Variants in HOXB3 observed in about 807,000 individuals in gnomAD.
The protein encoded by HOXB3 is homeobox B3, also known as homeobox protein Hox-B3.
HOXB3 carries 17 observed loss-of-function variants against 29.2 expected under a neutral mutation model. The observed-to-expected ratio is 0.58, with a 90% CI of 0.40 to 0.87. HOXB3 has a LOEUF of 0.87. Among genes scored for constraint, HOXB3 ranks in the 40% least tolerant of loss-of-function variants. The pLI is 0.00. For synonymous variants in HOXB3, 317 were observed against 285.9 expected (o/e 1.11, Z -1.10); for missense variants, 637 against 616.3 (o/e 1.03, Z -0.35).
At chr17:48,576,746 G>T in intron 1 of HOXB3, 1 of 1,608,038 alleles carries the variant, frequency 6.2e-7, no homozygotes, top group South Asian at 1.1e-5. Context: ...GGCCTCCATT[G>T]GGCCGGCCAG....
chr17:48,577,204 CCAAGTT>C (rs2069794383), intron 1 of HOXB3, among the ~76,000 whole-genome samples: 1 of 152,156 alleles, frequency 6.6e-6, no homozygotes, highest in Non-Finnish European at 1.5e-5. Flanking sequence ...AAAGAGACCT[CCAAGTT>C]TTGGAGGGCT....
rs2068876051 is a variant in HOXB3 at position 48,554,355 on chromosome 17, T to C, written c.-159+1176A>G. ...ATAATAATGATGACGATGATGATGA[T>C]AGTAATAATAATAAAACAATAATTT... On this transcript the variant is annotated intron_variant, in intron 3 of 4. Transcript: ENST00000498678. The surrounding 1 kb of genome is among the most constrained non-coding windows in gnomAD (Gnocchi z 4.1). 6.9e-6 allele frequency: 3 copies of C among 434,864 alleles called. No homozygotes were observed. Among genetic ancestry groups the C allele is most frequent in the Non-Finnish European group, 1.2e-5 (3 of 240,650 alleles). The allele number at this position is 434,864 out of a possible 1,614,324, so 26.9% of individuals were successfully genotyped here.
rs1347206533 is a variant in HOXB3 at position 48,575,694 on chromosome 17, C to CAAT, written c.-424-1683_-424-1681dup. 6.7e-5 allele frequency: 10 copies of CAAT among 149,354 alleles called. No individual in the cohort carries two copies. The East Asian group carries it at 1.6e-3, about 24-fold the overall frequency. 9.3% of individuals were successfully genotyped at this position (149,354 alleles called of 1,614,324 possible). A position where few individuals can be genotyped will look rare whatever the true frequency, so the allele number is the denominator to read the frequency against. ...AAAAAAATAGTAATAATAATATTAT[C>CAAT]AATAATAATAATAAACGATGCAACA... On this transcript the variant is annotated intron_variant, in intron 1 of 4. Coordinates refer to ENST00000498678, the MANE Select transcript of HOXB3 (RefSeq NM_001384749.1).
chr17:48,576,971 G>A (rs772689748), intron 1 of HOXB3: 4 of 1,613,400 alleles, frequency 2.5e-6, no homozygotes, highest in South Asian at 2.2e-5. Context: ...GCTGGCGCGT[G>A]TAGGCGGTCC....
chr17:48,581,271 CTGATTTCT>C (rs2069929375), intron 1 of HOXB3: 4 of 152,302 alleles, frequency 2.6e-5, no homozygotes, highest in African/African-American at 9.6e-5. Flanking sequence ...GCCTCTGGGC[CTGATTTCT>C]AACATCAACA....
chr17:48,552,353 G>A lies in HOXB3; in HGVS notation c.122C>T (p.Thr41Met). 1 of 1,613,992 alleles carries A rather than the reference G, an allele frequency of 6.2e-7. No individual in the cohort carries two copies. The highest frequency in any genetic ancestry group is 1.1e-5 in the South Asian group (1 of 91,068). ...VPPQPPFQAA[T>M]HLEGDYQRSA... ...GCGCTGGTAGTCGCCCTCCAGGTGC[G>A]TGGCGGCCTGAAATGGGGGTTGGGG... The change falls in exon 4 of 5, where the codon ACG becomes ATG. Residue 41 changes from threonine to methionine, a missense_variant. Coordinates refer to ENST00000498678, the MANE Select transcript of HOXB3 (RefSeq NM_001384749.1).
In HOXB3 at chr17:48,550,612, C is replaced by T. The variant is rs1193580435; in HGVS notation, c.1018G>A (p.Ala340Thr). The change falls in exon 5 of 5, where the codon GCC (alanine) becomes ACC (threonine). Residue 340 changes from alanine (A) to threonine (T), a missense_variant. Transcript: ENST00000498678. ...CCCTGCATGGTGGGCGTCCCGTAGG[C>T]GCCCCCGTTGGCTTGGAGGACGTGC... ...EPHVLQANGG[A>T]YGTPTMQGSP... 3.2e-5 allele frequency: 49 copies of T among 1,520,692 alleles called. No homozygotes were observed. Among genetic ancestry groups the T allele is most frequent in the Non-Finnish European group, 4.3e-5 (49 of 1,139,224 alleles). The allele number at this position is 1,520,692 out of a possible 1,614,324, so 94.2% of individuals were successfully genotyped here. A position where few individuals can be genotyped will look rare whatever the true frequency, so the allele number is the denominator to read the frequency against.
chr17:48,577,803 G>A, intron 1 of HOXB3: 3 of 1,334,640 alleles, frequency 2.2e-6, no homozygotes, highest in Non-Finnish European at 2.9e-6. Flanking sequence ...CCATGCCTCC[G>A]AAGTCCCTTT....
chr17:48,574,817 CG>C (rs2069709084), intron 1 of HOXB3, among the ~76,000 whole-genome samples: 1 of 152,152 alleles, frequency 6.6e-6, no homozygotes. Flanking sequence ...GTCATACTTT[CG>C]ATACTTTCTA....
At chr17:48,574,174 A>G (rs1010087230) in intron 1 of HOXB3, 160 bp from the exon 2 acceptor site, 4 of 328,024 alleles carry the variant, frequency 1.2e-5, no homozygotes, top group Non-Finnish European at 2.2e-5. Flanking sequence ...TTCTATTCAT[A>G]CCTTCCAAAG....
chr17:48,584,661 G>A (rs544816102), intron 1 of HOXB3, among the ~76,000 whole-genome samples: 1 of 152,300 alleles, frequency 6.6e-6, no homozygotes, highest in African/African-American at 2.4e-5. Flanking sequence ...GTGACTCAAA[G>A]ATTATCTTTG....
rs1441805376 is a variant in HOXB3, at chr17:48,550,820, C to A, written c.810G>T (p.Gln270His). Residue 270 changes from glutamine (Q) to histidine (H), a missense_variant, in exon 5 of 5, where the codon CAG (glutamine) becomes CAT (histidine). By Grantham distance (24) the Gln-to-His change is conservative. Coordinates refer to ENST00000498678, the MANE Select transcript of HOXB3 (RefSeq NM_001384749.1). ...AGGCGTTCATGAAGCCGGCCGTGGA[C>A]TGCATGGGCTGCGGGGGGCTGCCGG... ...SPAGSPPQPM[Q>H]STAGFMNALH... is the part of the protein sequence containing the mutation. 6.2e-7 allele frequency: 1 copy of A among 1,613,600 alleles called. No individual in the cohort carries two copies. Among genetic ancestry groups the A allele is most frequent in the Non-Finnish European group, 8.5e-7 (1 of 1,179,850 alleles).
rs762333689 is a variant in HOXB3 at position 48,550,986 on chromosome 17, C to T, written c.644G>A (p.Arg215Gln). The T allele has an allele frequency of 2.5e-6, 4 of 1,613,670 alleles. No individual in the cohort carries two copies. Among genetic ancestry groups the T allele is most frequent in the African/African-American group, 1.3e-5 (1 of 74,998 alleles). Residue 215 changes from arginine (R) to glutamine (Q), a missense_variant, in exon 5 of 5, where the codon CGG becomes CAG. Arg to Gln is a conservative substitution (Grantham distance 43). Coordinates refer to ENST00000498678, the MANE Select transcript of HOXB3 (RefSeq NM_001384749.1). ...KEFHFNRYLC[R>Q]PRRVEMANLL... ...GTTGGCCATCTCTACACGGCGAGGC[C>T]GGCACAGGTAGCGGTTAAAATGGAA...
At chr17:48,564,861 G>A (rs1033387507) in intron 2 of HOXB3, among the ~76,000 whole-genome samples, 1 of 152,194 alleles carries the variant, frequency 6.6e-6, no homozygotes, top group African/African-American at 2.4e-5. Flanking sequence ...AGGATCAGAC[G>A]GGCGAGAAAG....
At chr17:48,578,473 C>A in intron 1 of HOXB3, 1 of 961,462 alleles carries the variant, frequency 1.0e-6, no homozygotes, top group Non-Finnish European at 1.5e-6. Flanking sequence ...CCTGCGATTC[C>A]CGGATAAGGA....
chr17:48,566,500 G>C (rs747095417), intron 2 of HOXB3, among the ~76,000 whole-genome samples: 3 of 151,866 alleles, frequency 2.0e-5, no homozygotes, highest in Non-Finnish European at 4.4e-5. Flanking sequence ...TGGTTGGTCA[G>C]ACTTCCACGT....
Position 48,552,510 on chromosome 17 carries a change from G to A in HOXB3, c.-36C>T, listed in dbSNP as rs535736453. ...GGCCTGGGCAGTGGGTGGCAACTTGGAAAGGCCTGATACCCTCAGGACCGG... is the reference window on the plus strand; with the variant it reads ...GGCCTGGGCAGTGGGTGGCAACTTGAAAAGGCCTGATACCCTCAGGACCGG... On this transcript the variant is annotated 5_prime_UTR_variant, in exon 4 of 5. Coordinates refer to ENST00000498678, the MANE Select transcript of HOXB3 (RefSeq NM_001384749.1). The A allele has an allele frequency of 6.6e-7, 1 of 1,512,358 alleles. No individual in the cohort carries two copies. The highest frequency in any genetic ancestry group is 1.4e-5 in the African/African-American group (1 of 72,084). 93.7% of individuals were successfully genotyped at this position (1,512,358 alleles called of 1,614,324 possible).
At chr17:48,578,375 G>C (rs1225954079) in intron 1 of HOXB3, 4 of 1,559,680 alleles carry the variant, frequency 2.6e-6, no homozygotes, top group African/African-American at 2.8e-5. Context: ...CCCCTGACTC[G>C]TTTTCCTGTT....
intron 2 of HOXB3, among the ~76,000 whole-genome samples, chr17:48,558,972 A>G (rs2069098087): frequency 6.6e-6 from 1 of 151,988 alleles, no homozygotes. Flanking sequence ...GAGGAGAAAG[A>G]GAAATTGAAA....
Sources: allele counts gnomAD v4.1 joint callset (sites outside exome capture counted in the v4.1 genomes callset), GRCh38; gene constraint gnomAD v4.1.1; non-coding constraint Gnocchi (gnomAD v3.1); transcripts MANE v1.5; gene names NCBI Gene and HGNC (gene_info 2026-07-23, HGNC 2026-07-21).